Variants in MPP7 observed in about 807,000 individuals in gnomAD.
The protein encoded by MPP7 is MAGUK p55 scaffold protein 7.
A neutral mutation model predicts 76.5 loss-of-function variants in MPP7; 60 were observed. The observed-to-expected ratio is 0.78, with a 90% CI of 0.64 to 0.97. MPP7 has a LOEUF of 0.97. Among genes scored for constraint, MPP7 ranks in the 50% least tolerant of loss-of-function variants. MPP7 has a pLI of 0.00. For synonymous variants in MPP7, 237 were observed against 244.5 expected (o/e 0.97, Z 0.29); for missense variants, 641 against 694.0 (o/e 0.92, Z 0.86).
At chr10:28,182,027 G>T (rs900920765) in intron 3 of MPP7, among the ~76,000 whole-genome samples, 1 of 152,192 alleles carries the variant, frequency 6.6e-6, no homozygotes, top group African/African-American at 2.4e-5. Flanking sequence ...AAGACTTTCT[G>T]CATGGATGTA....
chr10:28,293,250 G>C (rs1026014228), intron 1 of MPP7, among the ~76,000 whole-genome samples: 1 of 152,036 alleles, frequency 6.6e-6, no homozygotes, highest in African/African-American at 2.4e-5. Flanking sequence ...AAGAGGCAAA[G>C]GATATATAAA....
At chr10:28,176,437 G>T (rs569809428) in intron 3 of MPP7, among the ~76,000 whole-genome samples, 1 of 152,154 alleles carries the variant, frequency 6.6e-6, no homozygotes, top group East Asian at 1.9e-4. Flanking sequence ...GCATCAAAAA[G>T]AATAATAATT....
chr10:28,195,838 A>T (rs948934384), intron 3 of MPP7, among the ~76,000 whole-genome samples: 3 of 152,202 alleles, frequency 2.0e-5, no homozygotes, highest in Admixed American at 6.5e-5. Context: ...AGAACAAAAT[A>T]AACAAAATAA....
intron 2 of MPP7, among the ~76,000 whole-genome samples, chr10:28,235,131 T>G (rs557082306): frequency 7.9e-5 from 12 of 152,148 alleles, no homozygotes; most frequent in Non-Finnish European, 1.5e-4. Flanking sequence ...GAAATCATTA[T>G]GGCCAAGAGA....
Position 28,059,643 on chromosome 10 carries a change from C to T in MPP7, c.1298+7G>A. ...TCACATGAAAATTCTCAAAAATGTC[C>T]ACATACTTGTTATTTTGTACATCTG... On this transcript the variant is annotated splice_region_variant and intron_variant, in intron 14 of 16. Coordinates refer to ENST00000683449, the MANE Select transcript of MPP7 (RefSeq NM_001318170.2). 2 of 1,602,784 alleles carry T rather than the reference C, an allele frequency of 1.2e-6. No individual in the cohort carries two copies.
At chr10:28,147,619 G>T (rs1054496575) in intron 4 of MPP7, 56 bp from the exon 5 acceptor site, 25 of 1,470,284 alleles carry the variant, frequency 1.7e-5, no homozygotes, top group Non-Finnish European at 2.3e-5. Context: ...TTGTGGGATT[G>T]GGTGTGTGAC....
intron 12 of MPP7, among the ~76,000 whole-genome samples, chr10:28,072,558 T>G (rs1852288654): frequency 6.6e-6 from 1 of 152,220 alleles, no homozygotes; most frequent in Non-Finnish European, 1.5e-5. Context: ...GAAACCACTC[T>G]CTATGACTTT....
At chr10:28,087,045 C>T (rs549497800) in intron 12 of MPP7, among the ~76,000 whole-genome samples, 1 of 152,256 alleles carries the variant, frequency 6.6e-6, no homozygotes, top group East Asian at 1.9e-4. Context: ...GGAAGTGGGG[C>T]CCAAGGAGAG....
At chr10:28,217,578 G>A (rs1043557522) in intron 2 of MPP7, among the ~76,000 whole-genome samples, 1 of 148,704 alleles carries the variant, frequency 6.7e-6, no homozygotes, top group Non-Finnish European at 1.5e-5. Flanking sequence ...CTGCATCAGG[G>A]AAGAACTTTT....
chr10:28,329,411 G>A (rs529578529), intron 2 of MPP7, among the ~76,000 whole-genome samples: 2 of 151,998 alleles, frequency 1.3e-5, no homozygotes, highest in East Asian at 1.9e-4. Flanking sequence ...GGCGGATCAC[G>A]AGGTCAGGAG....
At chr10:28,154,824 A>C (rs1835998988) in intron 3 of MPP7, among the ~76,000 whole-genome samples, 1 of 152,124 alleles carries the variant, frequency 6.6e-6, no homozygotes, top group East Asian at 1.9e-4. Context: ...CCAAATTTCT[A>C]CATACATTTA....
chr10:28,273,215 GC>G (rs1199701979), intron 1 of MPP7, among the ~76,000 whole-genome samples: 4 of 152,144 alleles, frequency 2.6e-5, no homozygotes, highest in Non-Finnish European at 4.4e-5. Flanking sequence ...ACCACACCCA[GC>G]CCCAAAATGT....
chr10:28,233,997 GAAACA>G (rs1838984669), intron 2 of MPP7, among the ~76,000 whole-genome samples: 1 of 151,916 alleles, frequency 6.6e-6, no homozygotes. Flanking sequence ...GAAACGAAAT[GAAACA>G]AAACAAAACG....
At chr10:28,151,201 C>G (rs1835872640) in intron 3 of MPP7, among the ~76,000 whole-genome samples, 1 of 152,030 alleles carries the variant, frequency 6.6e-6, no homozygotes, top group African/African-American at 2.4e-5. Context: ...TTTTGGCAAC[C>G]CAGTACACAA....
At chr10:28,087,540 C>T (rs7478224) in intron 12 of MPP7, among the ~76,000 whole-genome samples, 38,648 of 151,948 alleles carry the variant, frequency 0.25, 6,861 homozygotes, top group East Asian at 0.88. Context: ...GGACTACAGG[C>T]GCCTGCCACT....
chr10:28,248,017 A>C (rs1229398077), intron 1 of MPP7, among the ~76,000 whole-genome samples: 2 of 152,100 alleles, frequency 1.3e-5, no homozygotes, highest in African/African-American at 4.8e-5. Flanking sequence ...ACAAATGAAC[A>C]GAAAAGGGGA....
At chr10:28,159,592 A>G (rs748953891) in intron 3 of MPP7, among the ~76,000 whole-genome samples, 1 of 152,192 alleles carries the variant, frequency 6.6e-6, no homozygotes, top group African/African-American at 2.4e-5. Flanking sequence ...GTTGAAGTTC[A>G]TGAAGCAAAT....
At position 28,051,322 on chromosome 10, in the gene MPP7, A is replaced by G. The variant is rs1186847803; in HGVS notation, c.*2743T>C. 6.6e-6 allele frequency: 1 copy of G among 152,204 alleles called. No individual in the cohort carries two copies. Among genetic ancestry groups the G allele is most frequent in the African/African-American group, 2.4e-5 (1 of 41,466 alleles). The allele number at this position is 152,204 out of a possible 1,614,324, so 9.4% of individuals were successfully genotyped here. Reference sequence around the variant, plus strand: ...GAGAAGGTTATGTTTGTCAGTTTCAAATTATTACAGTTTAGATACATTCAA... The same window carrying G: ...GAGAAGGTTATGTTTGTCAGTTTCAGATTATTACAGTTTAGATACATTCAA... On this transcript the variant is annotated 3_prime_UTR_variant, in exon 17 of 17. Transcript: ENST00000683449.
intron 1 of MPP7, among the ~76,000 whole-genome samples, chr10:28,258,867 A>G (rs1839867261): frequency 6.6e-6 from 1 of 152,130 alleles, no homozygotes; most frequent in African/African-American, 2.4e-5. Flanking sequence ...TGGGAGAGAG[A>G]GCTCTCCACA....
Sources: allele counts gnomAD v4.1 joint callset (sites outside exome capture counted in the v4.1 genomes callset), GRCh38; gene constraint gnomAD v4.1.1; transcripts MANE v1.5; gene names NCBI Gene and HGNC (gene_info 2026-07-23, HGNC 2026-07-21).